ITGA8: variants seen among roughly 807,000 people sequenced by gnomAD.
ITGA8 encodes the protein integrin alpha-8.
A neutral mutation model predicts 142.3 loss-of-function variants in ITGA8; 91 were observed. The ratio of observed to expected loss-of-function variants is 0.64; its 90% confidence interval spans 0.54 to 0.76. ITGA8 has a LOEUF of 0.76. ITGA8 is among the 30% of genes least tolerant of loss of function. ITGA8 has a pLI of 0.00. For missense variants in ITGA8, 1,406 were observed against 1,327.7 expected (o/e 1.06, Z -0.92); for synonymous variants, 505 against 485.2 (o/e 1.04, Z -0.54).
intron 22 of ITGA8, among the ~76,000 whole-genome samples, chr10:15,588,801 T>G (rs1832874731): frequency 1.3e-5 from 2 of 152,230 alleles, no homozygotes; most frequent in Non-Finnish European, 1.5e-5. Flanking sequence ...AAATCATCCT[T>G]GAAAACAATC....
At chr10:15,713,091 G>A (rs763440920) in intron 2 of ITGA8, among the ~76,000 whole-genome samples, 8 of 152,274 alleles carry the variant, frequency 5.3e-5, no homozygotes, top group East Asian at 3.9e-4. Flanking sequence ...TGTAGGGACC[G>A]CTGCCTCCTC....
intron 28 of ITGA8, among the ~76,000 whole-genome samples, chr10:15,528,786 A>G (rs1833230314): frequency 6.6e-6 from 1 of 152,230 alleles, no homozygotes; most frequent in African/African-American, 2.4e-5. Flanking sequence ...AAAATCCCAA[A>G]GCCTCTGTTT....
At chr10:15,538,595 T>C (rs1267094611) in intron 27 of ITGA8, among the ~76,000 whole-genome samples, 2 of 151,482 alleles carry the variant, frequency 1.3e-5, no homozygotes, top group African/African-American at 4.8e-5. Flanking sequence ...AGAATCTAAT[T>C]TGAAAAGGCC....
intron 10 of ITGA8, among the ~76,000 whole-genome samples, chr10:15,657,607 C>A (rs1417791797): frequency 6.7e-6 from 1 of 148,448 alleles, no homozygotes; most frequent in Non-Finnish European, 1.5e-5. Flanking sequence ...CCTGCCTTGG[C>A]CTTCCAAACT....
At chr10:15,671,445 T>C (rs1013655025) in intron 8 of ITGA8, among the ~76,000 whole-genome samples, 158 bp downstream of exon 8, 2 of 152,208 alleles carry the variant, frequency 1.3e-5, no homozygotes, top group Non-Finnish European at 2.9e-5. Context: ...TAAAATGCTG[T>C]ATCAAAGTAT....
Position 15,517,216 on chromosome 10 carries a change from G to C in ITGA8, c.3134C>G (p.Pro1045Arg). ...KCGFFDRARP[P>R]QEDMTDREQL... is the part of the protein sequence containing the mutation. Reference sequence around the variant, plus strand: ...TTCCCTGTCGGTCATGTCCTCCTGAGGAGGTCTGGCTCTGTCAAAGAATCC... The same window carrying C: ...TTCCCTGTCGGTCATGTCCTCCTGACGAGGTCTGGCTCTGTCAAAGAATCC... Residue 1045 changes from proline (P) to arginine (R), a missense_variant, in exon 30 of 30, where the codon CCT becomes CGT. Coordinates refer to ENST00000378076, the MANE Select transcript of ITGA8 (RefSeq NM_003638.3). 1 of 1,613,378 alleles carries C rather than the reference G, an allele frequency of 6.2e-7. No homozygotes were observed. The highest frequency in any genetic ancestry group is 8.5e-7 in the Non-Finnish European group (1 of 1,179,548).
chr10:15,654,165 C>T (rs1245908730), intron 11 of ITGA8, among the ~76,000 whole-genome samples: 1 of 152,158 alleles, frequency 6.6e-6, no homozygotes, highest in Non-Finnish European at 1.5e-5. Context: ...CCTGATAGCT[C>T]ATTTCTTTTT....
chr10:15,669,368 A>T (rs1393332733), intron 8 of ITGA8, among the ~76,000 whole-genome samples: 1 of 152,166 alleles, frequency 6.6e-6, no homozygotes, highest in Non-Finnish European at 1.5e-5. Context: ...TTTCAGCTCC[A>T]TCAGGTCCTT....
At chr10:15,603,963 T>C (rs1407421068) in intron 20 of ITGA8, among the ~76,000 whole-genome samples, 1 of 152,206 alleles carries the variant, frequency 6.6e-6, no homozygotes, top group Non-Finnish European at 1.5e-5. Context: ...AGTCTTGTTC[T>C]CTTTTTTGCT....
intron 12 of ITGA8, among the ~76,000 whole-genome samples, 190 bp from the exon 13 acceptor site, chr10:15,644,411 G>A (rs1349088678): frequency 1.6e-5 from 2 of 127,124 alleles, no homozygotes; most frequent in Non-Finnish European, 3.2e-5. Flanking sequence ...GGGACTACAG[G>A]TGCATACCAC....
chr10:15,539,504 G>A (rs1034115497), intron 27 of ITGA8, among the ~76,000 whole-genome samples: 7 of 152,050 alleles, frequency 4.6e-5, no homozygotes, highest in African/African-American at 1.7e-4. Context: ...ACCCAATACT[G>A]CGGGTCATTA....
intron 24 of ITGA8, among the ~76,000 whole-genome samples, chr10:15,574,802 G>T (rs1834253458): frequency 6.6e-6 from 1 of 151,696 alleles, no homozygotes; most frequent in Non-Finnish European, 1.5e-5. Flanking sequence ...AGATGAGTGG[G>T]TAACCTTCAG....
chr10:15,518,425 G>A (rs1833001925), intron 29 of ITGA8, among the ~76,000 whole-genome samples: 1 of 152,232 alleles, frequency 6.6e-6, no homozygotes, highest in South Asian at 2.1e-4. Context: ...ATGGGTGTAG[G>A]ATGTCACAAA....
intron 13 of ITGA8, among the ~76,000 whole-genome samples, chr10:15,640,695 A>T (rs1833855464): frequency 6.6e-6 from 1 of 152,226 alleles, no homozygotes; most frequent in South Asian, 2.1e-4. Context: ...CAGCTAAGGA[A>T]AATCTAGGTA....
intron 21 of ITGA8, among the ~76,000 whole-genome samples, chr10:15,594,088 C>A (rs1256476211): frequency 6.6e-6 from 1 of 152,020 alleles, no homozygotes; most frequent in Admixed American, 6.6e-5. Context: ...GATCCGCCCG[C>A]CTTGACCTCC....
chr10:15,563,681 G>A (rs557033155), intron 25 of ITGA8, among the ~76,000 whole-genome samples: 4 of 152,266 alleles, frequency 2.6e-5, no homozygotes, highest in South Asian at 2.1e-4. Flanking sequence ...TTGGGAGGCC[G>A]AGGCAGGCAG....
chr10:15,543,984 A>T (rs966863783), intron 27 of ITGA8, among the ~76,000 whole-genome samples: 1 of 152,140 alleles, frequency 6.6e-6, no homozygotes, highest in African/African-American at 2.4e-5. Context: ...AATGCCCAGG[A>T]TTACTGGCAA....
intron 12 of ITGA8, among the ~76,000 whole-genome samples, chr10:15,644,452 A>G (rs1166125392): frequency 6.3e-3 from 22 of 3,488 alleles, no homozygotes; most frequent in African/African-American, 7.1e-3. Context: ...ATATATATAT[A>G]TATATATATA....
At chr10:15,676,523 G>A (rs1052742672) in intron 6 of ITGA8, among the ~76,000 whole-genome samples, 2 of 151,962 alleles carry the variant, frequency 1.3e-5, no homozygotes, top group African/African-American at 4.8e-5. Flanking sequence ...GGTTTCTTGG[G>A]TACCCCTGTG....
Sources: gnomAD v4.1 joint callset for allele counts (sites outside exome capture counted in the v4.1 genomes callset) on GRCh38, gnomAD v4.1.1 for gene constraint, MANE v1.5 for transcripts, NCBI Gene and HGNC (gene_info 2026-07-23, HGNC 2026-07-21) for gene names.